Variants in MRC1 observed in about 807,000 individuals in gnomAD.
The protein encoded by MRC1 is macrophage mannose receptor 1.
In MRC1, 62 loss-of-function variants were observed where a neutral mutation model predicts 102.9. The ratio of observed to expected loss-of-function variants is 0.60; its 90% CI spans 0.49 to 0.74. MRC1 has a LOEUF of 0.74. MRC1 is among the 30% of genes least tolerant of loss of function. The pLI is 0.00. For synonymous variants in MRC1, 457 were observed against 298.4 expected (o/e 1.53, Z -5.48); for missense variants, 1,237 against 862.8 (o/e 1.43, Z -5.43).
At chr10:17,844,998 GT>G in intron 5 of MRC1, 1 of 638,136 alleles carries the variant, frequency 1.6e-6, no homozygotes, top group East Asian at 3.2e-5. Flanking sequence ...AACTGTTCAA[GT>G]TTTAAGGTGT....
At chr10:17,895,992 G>T (rs1379085285) in intron 23 of MRC1, among the ~76,000 whole-genome samples, 1 of 152,224 alleles carries the variant, frequency 6.6e-6, no homozygotes, top group African/African-American at 2.4e-5. Context: ...TCTGGGGGCT[G>T]CCACAGCAGT....
chr10:17,887,209 G>A lies in MRC1; in HGVS notation c.3147+1774G>A, dbSNP rs908808488. On this transcript the variant is annotated intron_variant, in intron 22 of 29. Transcript: ENST00000569591. The stretch of plus-strand genomic sequence containing the variant: ...TCGAGACCATCCTGGCTAACAGGGA[G>A]AAACCCCGTCTCTACTAAAAATACA... 2.6e-5 allele frequency among the ~76,000 whole-genome samples: 4 copies of A among 152,196 alleles called. 1 individual carries two copies. Among genetic ancestry groups the A allele is most frequent in the East Asian group, 1.9e-4 (1 of 5,178 alleles).
At chr10:17,852,527 C>T (rs1038141595) in intron 7 of MRC1, among the ~76,000 whole-genome samples, 1 of 152,104 alleles carries the variant, frequency 6.6e-6, no homozygotes, top group Non-Finnish European at 1.5e-5. Context: ...TATTTGAAAA[C>T]ATTCATCAAT....
rs35118275 is a variant in MRC1, at chr10:17,903,392, C to CTTTTTTTTTTTT, written c.3799+1280_3799+1291dup. On this transcript the variant is annotated intron_variant, in intron 26 of 29. Transcript: ENST00000569591. ...TTTTCTTTTTCTTTTCTTTTTTTTT[C>CTTTTTTTTTTTT]TTTTTTTTTTTTTTTTTTTTTGAGA... Among the ~76,000 whole-genome samples the CTTTTTTTTTTTT allele has an allele frequency of 6.3e-3, 563 of 88,902 alleles. 1 individual carries two copies. The highest frequency in any genetic ancestry group is 8.7e-3 in the Non-Finnish European group (392 of 45,242). The allele number at this position is 88,902 out of a possible 152,430, so 58.3% of individuals were successfully genotyped here.
At chr10:17,865,444 G>A (rs900560745) in intron 11 of MRC1, 9 of 152,204 alleles carry the variant, frequency 5.9e-5, no homozygotes, top group Non-Finnish European at 1.3e-4. Context: ...CTTTGCCTGT[G>A]GTGTCATCCA....
intron 6 of MRC1, among the ~76,000 whole-genome samples, chr10:17,847,885 C>T (rs1838849356): frequency 6.6e-6 from 1 of 151,586 alleles, no homozygotes; most frequent in East Asian, 1.9e-4. Flanking sequence ...CACCAGAGGG[C>T]TCCAAAGCTG....
At position 17,839,589 on chromosome 10, in the gene MRC1, G is replaced by T. The variant is rs1300525998; in HGVS notation, c.803-1104G>T. Among the ~76,000 whole-genome samples, 7 of 152,216 alleles carry T rather than the reference G, an allele frequency of 4.6e-5. No homozygotes were observed. The South Asian group carries it at 8.3e-4, about 18-fold the overall frequency. On this transcript the variant is annotated intron_variant, in intron 4 of 29. Transcript: ENST00000569591. ...TTTAGGAGACTGAGGTAGGAGGAAC[G>T]CTTGGACCCAGGAGTTGGAGAGCAA...
intron 3 of MRC1, among the ~76,000 whole-genome samples, chr10:17,832,868 C>T (rs1327976810): frequency 6.6e-6 from 1 of 152,074 alleles, no homozygotes. Flanking sequence ...GGATTACAGG[C>T]GTGAGCCGCT....
At chr10:17,889,622 T>C (rs1348636926) in intron 22 of MRC1, among the ~76,000 whole-genome samples, 1 of 152,178 alleles carries the variant, frequency 6.6e-6, no homozygotes, top group Non-Finnish European at 1.5e-5. Flanking sequence ...TTGCAGTATA[T>C]ATTTACAACT....
At chr10:17,816,654 G>T (rs1239607520) in intron 1 of MRC1, among the ~76,000 whole-genome samples, 1 of 152,188 alleles carries the variant, frequency 6.6e-6, no homozygotes, top group Non-Finnish European at 1.5e-5. Context: ...AGTGGGGCCT[G>T]CATGCACCTA....
chr10:17,883,184 T>C (rs1041793217), intron 21 of MRC1, among the ~76,000 whole-genome samples: 4 of 152,162 alleles, frequency 2.6e-5, no homozygotes, highest in Non-Finnish European at 4.4e-5. Context: ...CTGGAGAGCA[T>C]TGATGTGATT....
chr10:17,823,387 G>T lies in MRC1; in HGVS notation c.375G>T (p.Lys125Asn), dbSNP rs1838426092. ...LFFNYGNRQE[K>N]NIMLYKGSGL... ...TTAACTACGGCAACAGACAAGAAAA[G>T]AATATTATGCTCTACAAGGGATCGG... The change falls in exon 2 of 30, where the codon AAG becomes AAT. Residue 125 changes from lysine to asparagine, a missense_variant. Lys to Asn is a moderately conservative substitution (Grantham distance 94, BLOSUM62 0). Transcript: ENST00000569591. The T allele has an allele frequency of 3.8e-6, 3 of 780,830 alleles. No individual in the cohort carries two copies. Among genetic ancestry groups the T allele is most frequent in the East Asian group, 2.4e-5 (1 of 41,246 alleles). 48.4% of individuals were successfully genotyped at this position (780,830 alleles called of 1,614,324 possible). A position where few individuals can be genotyped will look rare whatever the true frequency, so the allele number is the denominator to read the frequency against.
chr10:17,879,614 C>T (rs1297936916), intron 18 of MRC1, 107 bp from the exon 19 acceptor site: 10 of 779,046 alleles, frequency 1.3e-5, no homozygotes, highest in Middle Eastern at 2.3e-4. Context: ...CCACTCGCCT[C>T]GGCCTCCCAT....
chr10:17,819,119 G>T (rs1209542413), intron 1 of MRC1, among the ~76,000 whole-genome samples: 1 of 152,262 alleles, frequency 6.6e-6, no homozygotes, highest in East Asian at 1.9e-4. Context: ...AGAAAGAAAA[G>T]AATTTTACTA....
At chr10:17,891,836 C>T (rs1833680871) in intron 22 of MRC1, among the ~76,000 whole-genome samples, 1 of 152,142 alleles carries the variant, frequency 6.6e-6, no homozygotes. Flanking sequence ...AGTTCTTCGG[C>T]TGTATCTGCC....
At chr10:17,833,564 A>G (rs1838614500) in intron 3 of MRC1, 111 bp from the exon 4 acceptor site, 32 of 735,090 alleles carry the variant, frequency 4.4e-5, no homozygotes. Flanking sequence ...AAAGAAAGGA[A>G]AGAAAGAAAG....
intron 10 of MRC1, among the ~76,000 whole-genome samples, chr10:17,862,077 C>T (rs1381524594): frequency 2.6e-5 from 4 of 152,110 alleles, no homozygotes; most frequent in Non-Finnish European, 5.9e-5. Context: ...CTGGATTAGC[C>T]ACAGAAGAAA....
At chr10:17,855,473 A>C (rs1564617813) in intron 8 of MRC1, among the ~76,000 whole-genome samples, 1 of 144,210 alleles carries the variant, frequency 6.9e-6, no homozygotes, top group Admixed American at 7.2e-5. Context: ...CAGGAGGCTG[A>C]GGCAGGAAAA....
At position 17,840,760 on chromosome 10, in the gene MRC1, G is replaced by T; in HGVS notation, c.870G>T (p.Trp290Cys). The T allele has an allele frequency of 1.3e-6, 1 of 780,860 alleles. No individual in the cohort carries two copies. Among genetic ancestry groups the T allele is most frequent in the South Asian group, 1.3e-5 (1 of 74,618 alleles). 48.4% of individuals were successfully genotyped at this position (780,860 alleles called of 1,614,324 possible). The change falls in exon 5 of 30, where the codon TGG becomes TGT. Residue 290 changes from tryptophan (W) to cysteine (C), a missense_variant. By Grantham distance (215) the Trp-to-Cys change is radical. Coordinates refer to ENST00000569591, the MANE Select transcript of MRC1 (RefSeq NM_002438.4). ...ACAGTCTGAGCTTCAACAGCGGTTG[G>T]CAGTGGAGTGACCGCAGTCCTTTCC... is the stretch of plus-strand genomic sequence containing the variant. ...GLNSLSFNSG[W>C]QWSDRSPFRY...
Sources: gnomAD v4.1 joint callset for allele counts (sites outside exome capture counted in the v4.1 genomes callset) on GRCh38, gnomAD v4.1.1 for gene constraint, MANE v1.5 for transcripts, NCBI Gene and HGNC (gene_info 2026-07-23, HGNC 2026-07-21) for gene names.